The following NAV2 variants were observed in gnomAD, a reference collection of about 807,000 sequenced individuals.
NAV2 encodes helicase, APC down-regulated 1.
NAV2 carries 54 observed loss-of-function variants against 223.2 expected under a neutral mutation model. That is an observed-to-expected ratio of 0.24 (90% CI 0.19 to 0.30). NAV2 has a LOEUF of 0.30. Among genes scored for constraint, NAV2 ranks in the 10% least tolerant of loss-of-function variants. The probability of loss-of-function intolerance (pLI) is 1.00; values close to 1 mark genes in which losing one functional copy is unlikely to be tolerated. For synonymous variants in NAV2, 1,279 were observed against 1,239.3 expected (o/e 1.03, Z -0.67); for missense variants, 2,806 against 3,147.5 (o/e 0.89, Z 2.60).
chr11:19,960,221 C>T (rs1038558530), intron 10 of NAV2, among the ~76,000 whole-genome samples: 1 of 152,076 alleles, frequency 6.6e-6, no homozygotes, highest in African/African-American at 2.4e-5. Context: ...AGGTTCTTAC[C>T]AGGGGCCCAT....
At chr11:20,043,849 G>T in intron 12 of NAV2, 132 bp from the exon 13 acceptor site, 1 of 776,698 alleles carries the variant, frequency 1.3e-6, no homozygotes, top group Non-Finnish European at 2.1e-6. Context: ...GAGTACAAAA[G>T]TCCAAACATC....
chr11:19,363,143 C>A (rs1206840731), intron 1 of NAV2, among the ~76,000 whole-genome samples: 2 of 152,160 alleles, frequency 1.3e-5, no homozygotes, highest in African/African-American at 2.4e-5. Context: ...CCCCCCACCC[C>A]ACGACAGGCC....
intron 1 of NAV2, among the ~76,000 whole-genome samples, chr11:19,561,976 C>T (rs2045115735): frequency 6.6e-6 from 1 of 152,324 alleles, no homozygotes; most frequent in African/African-American, 2.4e-5. Flanking sequence ...CTTTTCTTCT[C>T]TCCTGCCATT....
intron 1 of NAV2, among the ~76,000 whole-genome samples, chr11:19,787,018 T>G (rs575165009): frequency 6.6e-6 from 1 of 152,240 alleles, no homozygotes; most frequent in South Asian, 2.1e-4. Context: ...CCCCATATTT[T>G]TTAAAAAGTT....
intron 1 of NAV2, among the ~76,000 whole-genome samples, chr11:19,569,089 T>C (rs1472310393): frequency 6.6e-6 from 1 of 152,206 alleles, no homozygotes; most frequent in Non-Finnish European, 1.5e-5. Flanking sequence ...TGGTAAATGA[T>C]TTTTCTTCTT....
At chr11:19,829,409 G>A (rs1219001775) in intron 1 of NAV2, among the ~76,000 whole-genome samples, 1 of 152,214 alleles carries the variant, frequency 6.6e-6, no homozygotes, top group East Asian at 1.9e-4. Flanking sequence ...GTGAGAAGGG[G>A]AAGAAATCCT....
intron 1 of NAV2, among the ~76,000 whole-genome samples, chr11:19,378,708 C>G (rs550868829): frequency 6.6e-6 from 1 of 152,218 alleles, no homozygotes; most frequent in African/African-American, 2.4e-5. Flanking sequence ...AAGCTGAGGA[C>G]AGGTTTGGCG....
intron 3 of NAV2, among the ~76,000 whole-genome samples, chr11:19,860,179 C>CG: frequency 6.7e-6 from 1 of 148,396 alleles, no homozygotes; most frequent in African/African-American, 2.5e-5. Context: ...GCTGACCCCC[C>CG]ACCTCCCTCC....
At chr11:19,950,902 T>C (rs1330429256) in intron 10 of NAV2, among the ~76,000 whole-genome samples, 1 of 152,120 alleles carries the variant, frequency 6.6e-6, no homozygotes, top group Non-Finnish European at 1.5e-5. Context: ...GCAAAAAAGG[T>C]ATGATCTAAT....
intron 6 of NAV2, among the ~76,000 whole-genome samples, chr11:19,922,240 G>A (rs187108178): frequency 2.6e-5 from 4 of 151,964 alleles, no homozygotes; most frequent in Admixed American, 2.6e-4. Flanking sequence ...TCTGGCAGGT[G>A]TTGCTGTAAC....
intron 1 of NAV2, among the ~76,000 whole-genome samples, chr11:19,373,934 C>T (rs778147422): frequency 1.1e-4 from 16 of 152,120 alleles, no homozygotes; most frequent in Admixed American, 2.6e-4. Context: ...TTTTTCCCCC[C>T]TCAGAAAAGG....
intron 1 of NAV2, among the ~76,000 whole-genome samples, chr11:19,603,838 A>G (rs188771798): frequency 6.6e-6 from 1 of 152,176 alleles, no homozygotes; most frequent in East Asian, 1.9e-4. Flanking sequence ...AAGGTTTTAT[A>G]TAGGAGGTTC....
intron 1 of NAV2, among the ~76,000 whole-genome samples, chr11:19,728,624 A>C (rs1200260244): frequency 1.3e-5 from 2 of 152,232 alleles, no homozygotes; most frequent in Non-Finnish European, 2.9e-5. Flanking sequence ...CACAGGCACC[A>C]TAGCAATGAC....
At chr11:19,492,518 T>A (rs1366826196) in intron 1 of NAV2, among the ~76,000 whole-genome samples, 1 of 152,076 alleles carries the variant, frequency 6.6e-6, no homozygotes, top group Admixed American at 6.5e-5. Flanking sequence ...TCTTGTACTA[T>A]GAGGATAAAA....
At position 20,055,947 on chromosome 11, in the gene NAV2, G is replaced by A. The variant is rs773508768; in HGVS notation, c.4821G>A (p.Gly1607=). Residue 1607 remains glycine (G), a synonymous_variant, in exon 19 of 38, where the codon GGG becomes GGA. Transcript: ENST00000349880. ...TMSRSGSFRD[G]FEEVHGSSLS... ...GCCGTTCAGGCTCATTCCGGGATGG[G>A]TTTGAAGAAGGTAAGGAAGGAAAGG... 2.5e-6 allele frequency: 4 copies of A among 1,613,610 alleles called. No homozygotes were observed. In the East Asian group the frequency reaches 6.7e-5, roughly 27 times the overall value.
rs779742228 is a variant in NAV2 at position 19,933,161 on chromosome 11, C to T, written c.932-15C>T. On this transcript the variant is annotated splice_polypyrimidine_tract_variant and intron_variant, in intron 6 of 37. Transcript: ENST00000349880. This position sits in a 1 kb window ranked among gnomAD's most constrained non-coding sequence, Gnocchi z 4.3. ...AACAAGTATGATTCAGGCCTCCTCT[C>T]TTCTGTCTCTGCAGAGCCTTTGGCA... The T allele has an allele frequency of 1.3e-6, 2 of 1,511,518 alleles. No individual in the cohort carries two copies. Among genetic ancestry groups the T allele is most frequent in the Non-Finnish European group, 1.8e-6 (2 of 1,128,570 alleles). 93.6% of individuals were successfully genotyped at this position (1,511,518 alleles called of 1,614,324 possible).
intron 10 of NAV2, among the ~76,000 whole-genome samples, chr11:19,953,528 A>G (rs2047568578): frequency 6.6e-6 from 1 of 152,124 alleles, no homozygotes; most frequent in African/African-American, 2.4e-5. Flanking sequence ...CTTTCCCCTC[A>G]TGCCCATCTG....
intron 1 of NAV2, among the ~76,000 whole-genome samples, chr11:19,560,487 A>T (rs754821219): frequency 2.2e-4 from 34 of 152,184 alleles, no homozygotes; most frequent in Non-Finnish European, 3.8e-4. Flanking sequence ...AATGTGCCTC[A>T]GATGTCTGCT....
At position 19,646,072 on chromosome 11, in the gene NAV2, G is replaced by A. The variant is rs138574926; in HGVS notation, c.76-186412G>A. ...CTCATTGGCTTGATGAAAATGCCTG[G>A]CACTGAGCTTTTCTTAGAACCTGCA... On this transcript the variant is annotated intron_variant, in intron 1 of 37. Transcript: ENST00000360655. Among the ~76,000 whole-genome samples the A allele has an allele frequency of 3.9e-5, 6 of 152,294 alleles. No individual in the cohort carries two copies. The South Asian group carries it at 1.2e-3, about 32-fold the overall frequency.
Sources: allele counts gnomAD v4.1 joint callset (sites outside exome capture counted in the v4.1 genomes callset), GRCh38; gene constraint gnomAD v4.1.1; non-coding constraint Gnocchi (gnomAD v3.1); transcripts MANE v1.5; gene names NCBI Gene and HGNC (gene_info 2026-07-23, HGNC 2026-07-21).